The following ST3GAL2 variants were observed in gnomAD, a reference collection of about 807,000 sequenced individuals.
ST3GAL2 encodes CMP-N-acetylneuraminate-beta-galactosamide-alpha-2,3-sialyltransferase 2.
A neutral mutation model predicts 37.5 loss-of-function variants in ST3GAL2; 16 were observed. That is an observed-to-expected ratio of 0.43 (90% CI 0.29 to 0.65). The LOEUF is 0.65. Ranked by LOEUF, ST3GAL2 falls within the 30% of genes least tolerant of loss-of-function variation. ST3GAL2 has a pLI of 0.17. For synonymous variants in ST3GAL2, 238 were observed against 202.9 expected (o/e 1.17, Z -1.47); for missense variants, 383 against 487.8 (o/e 0.79, Z 2.02).
chr16:70,413,641 C>G (rs920399711), intron 1 of ST3GAL2, among the ~76,000 whole-genome samples: 1 of 149,056 alleles, frequency 6.7e-6, no homozygotes, highest in African/African-American at 2.5e-5. Flanking sequence ...GAGGCTGAGG[C>G]AGGAGAATTG....
At chr16:70,421,366 G>A (rs2047713244) in intron 1 of ST3GAL2, among the ~76,000 whole-genome samples, 1 of 152,212 alleles carries the variant, frequency 6.6e-6, no homozygotes, top group Non-Finnish European at 1.5e-5. Flanking sequence ...AAAAACGAAG[G>A]TTGGGGGACG....
At chr16:70,415,524 T>TTCTC (rs1053569619) in intron 1 of ST3GAL2, among the ~76,000 whole-genome samples, 1 of 147,150 alleles carries the variant, frequency 6.8e-6, no homozygotes, top group African/African-American at 2.7e-5. Context: ...CCCAGGGTGT[T>TTCTC]TCTCTCTCTC....
At chr16:70,381,967 G>A (rs1208565595) in intron 6 of ST3GAL2, 105 bp from the exon 7 acceptor site, 5 of 1,450,404 alleles carry the variant, frequency 3.4e-6, no homozygotes, top group Non-Finnish European at 4.7e-6. Context: ...GCCCCGGGGA[G>A]ATGCAGGAGC....
intron 1 of ST3GAL2, among the ~76,000 whole-genome samples, chr16:70,415,656 T>C (rs2047671488): frequency 6.6e-6 from 1 of 151,730 alleles, no homozygotes; most frequent in African/African-American, 2.4e-5. Flanking sequence ...TTCACCATGT[T>C]GGCTAGGCTG....
intron 1 of ST3GAL2, among the ~76,000 whole-genome samples, chr16:70,424,627 AAAT>A (rs1254828031): frequency 6.6e-6 from 1 of 152,048 alleles, no homozygotes; most frequent in East Asian, 1.9e-4. Flanking sequence ...ATAAATAAAT[AAAT>A]AATAAAGTTC....
intron 1 of ST3GAL2, among the ~76,000 whole-genome samples, chr16:70,434,257 C>G (rs1199639756): frequency 1.3e-5 from 2 of 151,986 alleles, no homozygotes; most frequent in African/African-American, 4.8e-5. Flanking sequence ...GCCAACATGG[C>G]AAAACCCCGT....
At chr16:70,425,899 C>G (rs993302216) in intron 1 of ST3GAL2, among the ~76,000 whole-genome samples, 1 of 152,202 alleles carries the variant, frequency 6.6e-6, no homozygotes, top group Non-Finnish European at 1.5e-5. Context: ...GACTGAAGTC[C>G]TTCTCCAGCC....
At chr16:70,421,550 T>A (rs570599600) in intron 1 of ST3GAL2, among the ~76,000 whole-genome samples, 1 of 152,330 alleles carries the variant, frequency 6.6e-6, no homozygotes, top group Non-Finnish European at 1.5e-5. Context: ...CTTGGTCCAT[T>A]ACAGTGGACC....
chr16:70,391,532 A>C (rs1169024526), intron 3 of ST3GAL2, among the ~76,000 whole-genome samples: 1 of 152,152 alleles, frequency 6.6e-6, no homozygotes, highest in African/African-American at 2.4e-5. Flanking sequence ...CTCCCCATGC[A>C]GGTATTGGTG....
At chr16:70,383,057 T>A in intron 5 of ST3GAL2, 133 bp from the exon 6 acceptor site, 5 of 1,581,902 alleles carry the variant, frequency 3.2e-6, no homozygotes, top group Non-Finnish European at 4.3e-6. Context: ...TGGCACCTGC[T>A]AGGGTCAGGC....
At chr16:70,438,212 G>A (rs1022121075) in intron 1 of ST3GAL2, among the ~76,000 whole-genome samples, 4 of 152,240 alleles carry the variant, frequency 2.6e-5, no homozygotes, top group Non-Finnish European at 5.9e-5. Flanking sequence ...AAGCTAAGGG[G>A]AGACTCAAGT....
At chr16:70,435,650 C>G (rs943356272) in intron 1 of ST3GAL2, among the ~76,000 whole-genome samples, 1 of 149,038 alleles carries the variant, frequency 6.7e-6, no homozygotes, top group African/African-American at 2.5e-5. Flanking sequence ...AAAAATTAGC[C>G]GGGCATGGTG....
chr16:70,387,592 T>C (rs2047451802), intron 4 of ST3GAL2, among the ~76,000 whole-genome samples: 1 of 152,076 alleles, frequency 6.6e-6, no homozygotes. Context: ...AAATTAATTG[T>C]AGTCATGGTT....
chr16:70,411,935 G>C (rs1195896030), intron 1 of ST3GAL2, among the ~76,000 whole-genome samples: 2 of 151,504 alleles, frequency 1.3e-5, no homozygotes, highest in African/African-American at 4.9e-5. Flanking sequence ...CAGAGGTTGC[G>C]GTGAGCCGAG....
chr16:70,427,484 C>G (rs968078391), intron 1 of ST3GAL2, among the ~76,000 whole-genome samples: 20 of 151,304 alleles, frequency 1.3e-4, no homozygotes, highest in Non-Finnish European at 1.6e-4. Flanking sequence ...GACTACAGGC[C>G]CCCGCCACCA....
intron 1 of ST3GAL2, among the ~76,000 whole-genome samples, chr16:70,428,099 T>C (rs2047763917): frequency 1.3e-5 from 2 of 152,200 alleles, no homozygotes; most frequent in Admixed American, 6.5e-5. Flanking sequence ...CGGAAAGGTC[T>C]GGAAGTCACT....
At chr16:70,430,472 C>A (rs916543934) in intron 1 of ST3GAL2, among the ~76,000 whole-genome samples, 1 of 152,246 alleles carries the variant, frequency 6.6e-6, no homozygotes, top group East Asian at 1.9e-4. Context: ...AAACTATTGA[C>A]CTGCTTCCCA....
intron 4 of ST3GAL2, among the ~76,000 whole-genome samples, chr16:70,386,169 C>T (rs1420361643): frequency 4.7e-5 from 7 of 149,992 alleles, no homozygotes; most frequent in Non-Finnish European, 1.0e-4. Context: ...TACAGACGTG[C>T]GCCACCACAC....
chr16:70,407,409 G>A (rs756014165), intron 1 of ST3GAL2, among the ~76,000 whole-genome samples: 1 of 152,218 alleles, frequency 6.6e-6, no homozygotes, highest in Non-Finnish European at 1.5e-5. Context: ...CCCAGGTGCT[G>A]GAATTACAGG....
Sources: allele counts gnomAD v4.1 joint callset (sites outside exome capture counted in the v4.1 genomes callset), GRCh38; gene constraint gnomAD v4.1.1; transcripts MANE v1.5; gene names NCBI Gene and HGNC (gene_info 2026-07-23, HGNC 2026-07-21).